Variants in NHSL2 observed in about 807,000 individuals in gnomAD.
NHSL2 encodes the protein NHS like 2.
NHSL2 carries 27 observed loss-of-function variants against 53.4 expected under a neutral mutation model. The observed-to-expected ratio is 0.51, with a 90% confidence interval of 0.37 to 0.70. NHSL2 has a LOEUF of 0.70. Ranked by LOEUF, NHSL2 falls within the 30% of genes least tolerant of loss-of-function variation. The probability of loss-of-function intolerance (pLI) is 0.00; values close to 1 mark genes in which losing one functional copy is unlikely to be tolerated. For missense variants in NHSL2, 892 were observed against 980.1 expected, an observed-to-expected ratio of 0.91 and a Z score of 1.20; for synonymous variants, 408 against 404.1, an observed-to-expected ratio of 1.01 and a Z score of -0.12.
chrX:72,097,612 C>G (rs2041953750), intron 1 of NHSL2, among the ~76,000 whole-genome samples: 1 of 112,167 alleles, frequency 8.9e-6, no homozygotes, highest in African/African-American at 3.2e-5. Flanking sequence ...TTTCTCAGTT[C>G]TTGCAGACCC....
intron 1 of NHSL2, among the ~76,000 whole-genome samples, chrX:72,082,531 A>G (rs1371087443): frequency 9.0e-6 from 1 of 111,632 alleles, no homozygotes; most frequent in African/African-American, 3.3e-5. Context: ...CCCACATTAT[A>G]CTCCAGTGAG....
chrX:71,983,061 G>A (rs1016693691), intron 1 of NHSL2, among the ~76,000 whole-genome samples: 2 of 111,452 alleles, frequency 1.8e-5, no homozygotes, highest in Non-Finnish European at 3.8e-5. Flanking sequence ...AGACATCTGT[G>A]TCTACTGTAG....
In NHSL2 at chrX:71,948,795, A is replaced by T. The variant is rs769069808; in HGVS notation, c.280+37428A>T. ...CAGTGAGCCGAGATCATGCCACTGC[A>T]CTCCAGCCTGGGCGACACAGCAAGA... On this transcript the variant is annotated intron_variant, in intron 1 of 7. Transcript: ENST00000633930. 2.9e-5 allele frequency among the ~76,000 whole-genome samples: 3 copies of T among 103,082 alleles called. No individual in the cohort carries two copies. The Admixed American group carries it at 3.1e-4, about 11-fold the overall frequency. 89.5% of individuals were successfully genotyped at this position (103,082 alleles called of 115,157 possible). A position where few individuals can be genotyped will look rare whatever the true frequency, so the allele number is the denominator to read the frequency against.
chrX:71,936,817 G>A (rs192348029), intron 1 of NHSL2, among the ~76,000 whole-genome samples: 13 of 111,253 alleles, frequency 1.2e-4, no homozygotes, highest in Middle Eastern at 9.3e-3. Context: ...TTACAGTTTG[G>A]GTCAGTGGTA....
At chrX:71,963,975 A>G (rs1488823453) in intron 1 of NHSL2, among the ~76,000 whole-genome samples, 4,062 of 17,536 alleles carry the variant, frequency 0.23, 485 homozygotes, top group East Asian at 0.38. Flanking sequence ...ATATATATAC[A>G]TATATATATA....
chrX:71,940,411 G>T (rs2041760152), intron 1 of NHSL2, among the ~76,000 whole-genome samples: 1 of 111,759 alleles, frequency 8.9e-6, no homozygotes, highest in African/African-American at 3.3e-5. Flanking sequence ...AAGTTTGTCT[G>T]TGAAAAGGAA....
At chrX:71,965,423 T>C (rs757466386) in intron 1 of NHSL2, among the ~76,000 whole-genome samples, 1 of 112,609 alleles carries the variant, frequency 8.9e-6, no homozygotes, top group Admixed American at 9.4e-5. Flanking sequence ...CAGTTGAGTA[T>C]ATGAGAGTAT....
At position 72,144,015 on chromosome X, in the gene NHSL2, G is replaced by A. The variant is rs1229153787; in HGVS notation, c.*441G>A. The A allele has an allele frequency of 8.0e-6, 1 of 124,876 alleles. No homozygotes were observed. Among genetic ancestry groups the A allele is most frequent in the East Asian group, 2.5e-4 (1 of 3,980 alleles). The allele number at this position is 124,876 out of a possible 1,213,427, so 10.3% of individuals were successfully genotyped here. ...ATTGCTTATTATTCACTTTCCTAGG[G>A]AGGCTCTGATGGCCCTGTGTGCAAA... On this transcript the variant is annotated 3_prime_UTR_variant, in exon 8 of 8. Coordinates refer to ENST00000633930, the MANE Select transcript of NHSL2 (RefSeq NM_001013627.3).
chrX:72,001,770 C>G (rs1294341490), intron 1 of NHSL2, among the ~76,000 whole-genome samples: 1 of 112,196 alleles, frequency 8.9e-6, no homozygotes, highest in Non-Finnish European at 1.9e-5. Flanking sequence ...AGACTTACAC[C>G]CATACTTTGG....
At chrX:72,131,134 G>A (rs755388224) in intron 1 of NHSL2, 61 of 1,192,194 alleles carry the variant, frequency 5.1e-5, no homozygotes, top group Non-Finnish European at 6.7e-5. Flanking sequence ...CGGTTCCTTT[G>A]ACGCGGGCGG....
In NHSL2 at chrX:72,152,215, C is replaced by A. The variant is rs777006144; in HGVS notation, c.*8641C>A. 8.8e-6 allele frequency: 1 copy of A among 113,371 alleles called. No homozygotes were observed. Among genetic ancestry groups the A allele is most frequent in the East Asian group, 2.8e-4 (1 of 3,599 alleles). The allele number at this position is 113,371 out of a possible 1,213,427, so 9.3% of individuals were successfully genotyped here. A position where few individuals can be genotyped will look rare whatever the true frequency, so the allele number is the denominator to read the frequency against. On this transcript the variant is annotated 3_prime_UTR_variant, in exon 8 of 8. Transcript: ENST00000633930. The stretch of plus-strand genomic sequence containing the variant: ...TTCTTGGGAGTCTGAAGCTCAGATT[C>A]ACATTTTCACATTTTCTCGTATAAA...
intron 1 of NHSL2, chrX:72,045,014 T>C: frequency 2.0e-6 from 1 of 500,466 alleles, no homozygotes; most frequent in Non-Finnish European, 3.4e-6. Flanking sequence ...GATGTGGCAC[T>C]GGCTGCATAG....
chrX:72,007,152 A>C (rs1248749958), intron 1 of NHSL2, among the ~76,000 whole-genome samples: 2 of 112,359 alleles, frequency 1.8e-5, no homozygotes, highest in African/African-American at 6.5e-5. Context: ...CAGAGGGAGC[A>C]GCGTGGAGAA....
chrX:72,148,009 C>G lies in NHSL2; in HGVS notation c.*4435C>G, dbSNP rs1049752176. The G allele has an allele frequency of 9.0e-6, 1 of 111,500 alleles. No individual in the cohort carries two copies. The highest frequency in any genetic ancestry group is 3.3e-5 in the African/African-American group (1 of 30,631). The allele number at this position is 111,500 out of a possible 1,213,427, so 9.2% of individuals were successfully genotyped here. A position where few individuals can be genotyped will look rare whatever the true frequency, so the allele number is the denominator to read the frequency against. ...CAGAATATAGAAAATATCTTAATCGCCTGGAATCATTTGAGTTACTAGCTG... is the reference window on the plus strand; with the variant it reads ...CAGAATATAGAAAATATCTTAATCGGCTGGAATCATTTGAGTTACTAGCTG... On this transcript the variant is annotated 3_prime_UTR_variant, in exon 8 of 8. Coordinates refer to ENST00000633930, the MANE Select transcript of NHSL2 (RefSeq NM_001013627.3).
At chrX:72,101,372 G>A (rs2041992219) in intron 1 of NHSL2, among the ~76,000 whole-genome samples, 1 of 110,915 alleles carries the variant, frequency 9.0e-6, no homozygotes, top group African/African-American at 3.3e-5. Flanking sequence ...GACAGGTGGA[G>A]CAGCCAGTTT....
At chrX:71,974,933 T>G (rs2147861919) in intron 1 of NHSL2, among the ~76,000 whole-genome samples, 1 of 112,125 alleles carries the variant, frequency 8.9e-6, no homozygotes, top group East Asian at 2.8e-4. Context: ...CCCCACCATT[T>G]TATCAATGGA....
intron 1 of NHSL2, among the ~76,000 whole-genome samples, chrX:72,016,619 G>A (rs1026237462): frequency 9.0e-6 from 1 of 110,916 alleles, no homozygotes; most frequent in Non-Finnish European, 1.9e-5. Context: ...GGGCCTGCAC[G>A]AAAGATGTTC....
chrX:71,966,721 ATATT>A (rs2041902615), intron 1 of NHSL2, among the ~76,000 whole-genome samples: 1 of 111,677 alleles, frequency 9.0e-6, no homozygotes, highest in Non-Finnish European at 1.9e-5. Context: ...TTTTGCATCT[ATATT>A]TATGAGAAAT....
At chrX:72,123,764 G>A (rs953789818) in intron 1 of NHSL2, among the ~76,000 whole-genome samples, 3 of 111,241 alleles carry the variant, frequency 2.7e-5, no homozygotes, top group Non-Finnish European at 3.8e-5. Flanking sequence ...TTTCTCACCC[G>A]AACAGCCCAC....
Sources: gnomAD v4.1 joint callset for allele counts (sites outside exome capture counted in the v4.1 genomes callset) on GRCh38, gnomAD v4.1.1 for gene constraint, MANE v1.5 for transcripts, NCBI Gene and HGNC (gene_info 2026-07-23, HGNC 2026-07-21) for gene names.